Variants in PLCL1 observed in about 807,000 individuals in gnomAD.
PLCL1 encodes inactive phospholipase C-like protein 1.
Under a neutral mutation model 84.4 loss-of-function variants are expected in PLCL1, and 41 were observed. The observed-to-expected ratio is 0.49, with a 90% confidence interval of 0.38 to 0.63. PLCL1 has a LOEUF of 0.63. Ranked by LOEUF, PLCL1 falls within the 30% of genes least tolerant of loss-of-function variation. PLCL1 has a pLI of 0.00. For synonymous variants in PLCL1, 490 were observed against 488.3 expected (o/e 1.00, Z -0.05); for missense variants, 1,206 against 1,367.8 (o/e 0.88, Z 1.87).
intron 1 of PLCL1, among the ~76,000 whole-genome samples, chr2:197,983,215 T>C (rs1214953275): frequency 1.6e-4 from 4 of 25,076 alleles, no homozygotes; most frequent in African/African-American, 4.6e-4. Context: ...TTTTTTTTTT[T>C]TTTTTTTTTT....
intron 1 of PLCL1, among the ~76,000 whole-genome samples, chr2:197,924,065 C>T (rs1320417038): frequency 3.4e-5 from 5 of 145,818 alleles, no homozygotes; most frequent in African/African-American, 5.0e-5. Context: ...GAGAATCAGG[C>T]AGGGAGGTTG....
chr2:197,895,746 T>C (rs1559038079), intron 1 of PLCL1, among the ~76,000 whole-genome samples: 1 of 151,872 alleles, frequency 6.6e-6, no homozygotes, highest in African/African-American at 2.4e-5. Context: ...AACTTCGCAA[T>C]TTAGTGTTGT....
At chr2:197,937,566 C>T (rs1269016269) in intron 1 of PLCL1, among the ~76,000 whole-genome samples, 4 of 152,126 alleles carry the variant, frequency 2.6e-5, no homozygotes, top group African/African-American at 7.2e-5. Flanking sequence ...TTTTGTTAAG[C>T]CTCTTTGTCT....
chr2:197,859,270 C>G (rs1010674177), intron 1 of PLCL1, among the ~76,000 whole-genome samples: 1 of 151,974 alleles, frequency 6.6e-6, no homozygotes, highest in Non-Finnish European at 1.5e-5. Flanking sequence ...TAAATAAACA[C>G]GAATTGAAGA....
At chr2:197,901,337 T>C (rs1688263412) in intron 1 of PLCL1, among the ~76,000 whole-genome samples, 1 of 152,202 alleles carries the variant, frequency 6.6e-6, no homozygotes, top group Admixed American at 6.5e-5. Flanking sequence ...ATATACAATC[T>C]TTTTGATACA....
At chr2:198,125,302 G>A (rs1359289803) in intron 5 of PLCL1, among the ~76,000 whole-genome samples, 1 of 151,978 alleles carries the variant, frequency 6.6e-6, no homozygotes, top group Non-Finnish European at 1.5e-5. Context: ...TATGAGTATT[G>A]GGGTTTTGCA....
intron 1 of PLCL1, among the ~76,000 whole-genome samples, chr2:198,039,253 A>G (rs1371665049): frequency 1.3e-5 from 2 of 152,190 alleles, no homozygotes. Context: ...TCTAGATTCA[A>G]CATGGAAAAC....
intron 5 of PLCL1, among the ~76,000 whole-genome samples, chr2:198,145,202 A>G (rs945232375): frequency 2.0e-5 from 3 of 151,920 alleles, no homozygotes; most frequent in African/African-American, 7.3e-5. Flanking sequence ...ATGTTCTGGG[A>G]TACATGTGCA....
At chr2:197,885,258 A>G (rs1358321468) in intron 1 of PLCL1, among the ~76,000 whole-genome samples, 1 of 152,224 alleles carries the variant, frequency 6.6e-6, no homozygotes, top group African/African-American at 2.4e-5. Context: ...TATGGAGACC[A>G]CAATGTGCCA....
chr2:198,030,457 T>TA (rs2105848549), intron 1 of PLCL1, among the ~76,000 whole-genome samples: 1 of 152,212 alleles, frequency 6.6e-6, no homozygotes, highest in East Asian at 1.9e-4. Context: ...GAAAGGAAGA[T>TA]AAAAAAGTTT....
At chr2:197,880,616 A>G (rs1353152484) in intron 1 of PLCL1, among the ~76,000 whole-genome samples, 5 of 152,316 alleles carry the variant, frequency 3.3e-5, no homozygotes, top group Non-Finnish European at 5.9e-5. Context: ...AAATGAGAAG[A>G]TGCTTCGTTA....
chr2:197,811,933 ATAGT>A (rs1471877995), intron 1 of PLCL1, among the ~76,000 whole-genome samples: 1 of 152,130 alleles, frequency 6.6e-6, no homozygotes, highest in Non-Finnish European at 1.5e-5. Context: ...ATAGTACCCA[ATAGT>A]TAGTTTTTCA....
At chr2:197,878,376 G>T (rs932502630) in intron 1 of PLCL1, among the ~76,000 whole-genome samples, 1 of 152,130 alleles carries the variant, frequency 6.6e-6, no homozygotes, top group Non-Finnish European at 1.5e-5. Context: ...TACTGAAAAT[G>T]AGCTTACTGG....
At position 197,994,356 on chromosome 2, in the gene PLCL1, T is replaced by C. The variant is rs114646115; in HGVS notation, c.241-89402T>C. 4.9e-3 allele frequency among the ~76,000 whole-genome samples: 743 copies of C among 152,326 alleles called. 6 individuals carry two copies. Among genetic ancestry groups the C allele is most frequent in the African/African-American group, 0.017 (689 of 41,566 alleles). ...AACTTTAGCAGAAACTGGGGCTGAATTGGTTGTATTTTAACATCCTGTAAC... is the reference window on the plus strand; with the variant it reads ...AACTTTAGCAGAAACTGGGGCTGAACTGGTTGTATTTTAACATCCTGTAAC... On this transcript the variant is annotated intron_variant, in intron 1 of 5. Transcript: ENST00000428675.
Position 198,086,200 on chromosome 2 carries a change from C to A in PLCL1, c.2683C>A (p.Arg895=), listed in dbSNP as rs752979149. The part of the protein sequence containing the change: ...DIFKIAVHPL[R]EAIDMRENMQ... ...CTTTAAAATAGCGGTTCATCCATTA[C>A]GAGAAGCCATAGATATGAGAGAAAA... is the stretch of plus-strand genomic sequence containing the variant. The change falls in exon 2 of 6, where the codon CGA becomes AGA. Residue 895 remains arginine (R), a synonymous_variant. Transcript: ENST00000428675. The A allele has an allele frequency of 1.9e-6, 3 of 1,612,764 alleles. No individual in the cohort carries two copies. In the African/African-American group the frequency reaches 4.0e-5, roughly 22 times the overall value.
chr2:197,814,298 A>G (rs1316882622), intron 1 of PLCL1, among the ~76,000 whole-genome samples: 1 of 152,196 alleles, frequency 6.6e-6, no homozygotes, highest in Non-Finnish European at 1.5e-5. Context: ...AATTCTTACA[A>G]GATTTTTAAC....
At position 197,971,270 on chromosome 2, in the gene PLCL1, C is replaced by G. The variant is rs541757769; in HGVS notation, c.241-112488C>G. Among the ~76,000 whole-genome samples the G allele has an allele frequency of 1.0e-3, 159 of 152,292 alleles. 2 individuals carry two copies. The highest frequency in any genetic ancestry group is 3.7e-3 in the African/African-American group (155 of 41,558). ...CTGCCATGAAGTCCTTCTGCAGCATCAGCTGTGGGGACTGCACATGTGAGG... is the reference window on the plus strand; with the variant it reads ...CTGCCATGAAGTCCTTCTGCAGCATGAGCTGTGGGGACTGCACATGTGAGG... On this transcript the variant is annotated intron_variant, in intron 1 of 5. Coordinates refer to ENST00000428675, the MANE Select transcript of PLCL1 (RefSeq NM_006226.4).
chr2:198,042,515 G>GGAAT (rs1380443339), intron 1 of PLCL1, among the ~76,000 whole-genome samples: 1 of 152,130 alleles, frequency 6.6e-6, no homozygotes, highest in Non-Finnish European at 1.5e-5. Context: ...TAGGAAGGAA[G>GGAAT]GCAGACATCT....
chr2:197,938,973 A>T (rs1191571553), intron 1 of PLCL1, among the ~76,000 whole-genome samples: 2 of 152,190 alleles, frequency 1.3e-5, no homozygotes, highest in Non-Finnish European at 2.9e-5. Flanking sequence ...GGTTGGAATG[A>T]TCCTGTTTGT....
Sources: allele counts gnomAD v4.1 joint callset (sites outside exome capture counted in the v4.1 genomes callset), GRCh38; gene constraint gnomAD v4.1.1; transcripts MANE v1.5; gene names NCBI Gene and HGNC (gene_info 2026-07-23, HGNC 2026-07-21).